CDKAL1: variants seen among roughly 807,000 people sequenced by gnomAD.
The protein encoded by CDKAL1 is CDKAL1 threonylcarbamoyladenosine tRNA methylthiotransferase, also known as threonylcarbamoyladenosine tRNA methylthiotransferase.
In CDKAL1, 32 loss-of-function variants were observed where a neutral mutation model predicts 68.2. That is an observed-to-expected ratio of 0.47 (90% CI 0.35 to 0.63). The LOEUF is 0.63. Ranked by LOEUF, CDKAL1 falls within the 30% of genes least tolerant of loss-of-function variation. The pLI, the probability that CDKAL1 is intolerant of heterozygous loss-of-function variation, is 0.00. For synonymous variants in CDKAL1, 234 were observed against 244.3 expected, an observed-to-expected ratio of 0.96 and a Z score of 0.39; for missense variants, 606 against 696.7, an observed-to-expected ratio of 0.87 and a Z score of 1.47.
At chr6:21,064,215 A>G (rs1042330666) in intron 11 of CDKAL1, among the ~76,000 whole-genome samples, 6 of 152,188 alleles carry the variant, frequency 3.9e-5, no homozygotes, top group East Asian at 1.9e-4. Flanking sequence ...TTTCCCTGGT[A>G]TCTTTCTGAT....
intron 8 of CDKAL1, among the ~76,000 whole-genome samples, chr6:20,843,840 G>T (rs1287013371): frequency 2.0e-5 from 3 of 152,164 alleles, no homozygotes; most frequent in Non-Finnish European, 4.4e-5. Flanking sequence ...GGGATCACAA[G>T]AAATGAGGTA....
At chr6:21,163,387 C>T (rs1291610304) in intron 13 of CDKAL1, among the ~76,000 whole-genome samples, 3 of 152,152 alleles carry the variant, frequency 2.0e-5, no homozygotes, top group Non-Finnish European at 2.9e-5. Flanking sequence ...TAACCCAAAA[C>T]AAACACCCGC....
chr6:21,065,860 A>G (rs554249930), intron 12 of CDKAL1, among the ~76,000 whole-genome samples: 14 of 152,050 alleles, frequency 9.2e-5, no homozygotes, highest in Non-Finnish European at 1.9e-4. Context: ...TACTTTCTAG[A>G]TTCATTGGCT....
intron 13 of CDKAL1, among the ~76,000 whole-genome samples, chr6:21,109,954 G>A (rs1430396185): frequency 6.6e-6 from 1 of 152,172 alleles, no homozygotes; most frequent in African/African-American, 2.4e-5. Context: ...ATGGAACCTA[G>A]CCATTTGCAG....
chr6:21,062,975 C>T (rs970043556), intron 11 of CDKAL1, among the ~76,000 whole-genome samples: 17 of 152,124 alleles, frequency 1.1e-4, no homozygotes, highest in Admixed American at 3.3e-4. Flanking sequence ...AGTGCAGTGG[C>T]GCGATGTCGG....
chr6:20,620,080 T>G (rs2069015), intron 4 of CDKAL1, among the ~76,000 whole-genome samples: 42,758 of 152,122 alleles, frequency 0.28, 6,559 homozygotes, highest in East Asian at 0.53. Flanking sequence ...TTTCTTCCCG[T>G]AGATTCTCAG....
At chr6:20,920,821 C>T (rs1762918984) in intron 9 of CDKAL1, among the ~76,000 whole-genome samples, 1 of 152,108 alleles carries the variant, frequency 6.6e-6, no homozygotes, top group Admixed American at 6.6e-5. Context: ...TTGAAACATT[C>T]ACTTACCCTT....
chr6:20,666,226 T>C (rs11970425), intron 5 of CDKAL1, among the ~76,000 whole-genome samples: 28,048 of 151,692 alleles, frequency 0.18, 2,797 homozygotes, highest in African/African-American at 0.23. Flanking sequence ...TTCTTACCAG[T>C]GCTCAGGGAA....
chr6:20,616,225 G>C (rs1357096035), intron 4 of CDKAL1, among the ~76,000 whole-genome samples: 1 of 152,156 alleles, frequency 6.6e-6, no homozygotes, highest in Non-Finnish European at 1.5e-5. Context: ...GATGCCTCCA[G>C]CTTTGTTCAT....
intron 9 of CDKAL1, among the ~76,000 whole-genome samples, chr6:20,927,137 C>T (rs1348515401): frequency 6.6e-6 from 1 of 152,126 alleles, no homozygotes; most frequent in East Asian, 1.9e-4. Flanking sequence ...CATCAGCCAA[C>T]TTTAATTTCG....
chr6:21,144,183 A>C (rs984148750), intron 13 of CDKAL1, among the ~76,000 whole-genome samples: 1 of 152,178 alleles, frequency 6.6e-6, no homozygotes, highest in African/African-American at 2.4e-5. Flanking sequence ...CACCTAGCCA[A>C]ATAACTCTCA....
intron 4 of CDKAL1, among the ~76,000 whole-genome samples, chr6:20,591,185 C>T (rs1277532224): frequency 6.6e-6 from 1 of 152,142 alleles, no homozygotes; most frequent in Non-Finnish European, 1.5e-5. Flanking sequence ...ATATTCTTCG[C>T]CCACTTTTTG....
At chr6:21,050,758 C>T (rs927412617) in intron 11 of CDKAL1, among the ~76,000 whole-genome samples, 4 of 152,202 alleles carry the variant, frequency 2.6e-5, no homozygotes, top group Non-Finnish European at 5.9e-5. Flanking sequence ...GACACATTCT[C>T]AGTCCAGTCC....
chr6:20,778,830 A>G (rs1775291302), intron 7 of CDKAL1, among the ~76,000 whole-genome samples: 1 of 152,006 alleles, frequency 6.6e-6, no homozygotes, highest in East Asian at 1.9e-4. Context: ...ATTTAATTGG[A>G]CGAGGCTCAT....
At chr6:20,899,653 G>A (rs12154184) in intron 9 of CDKAL1, among the ~76,000 whole-genome samples, 16,219 of 151,962 alleles carry the variant, frequency 0.11, 949 homozygotes, top group African/African-American at 0.14. Flanking sequence ...GACCAGCCTG[G>A]CCAACATGGT....
intron 9 of CDKAL1, among the ~76,000 whole-genome samples, chr6:20,923,451 G>A (rs114624727): frequency 0.01 from 1,597 of 152,170 alleles, 29 homozygotes; most frequent in African/African-American, 0.036. Context: ...TTATTATGGT[G>A]ATCTGTGATC....
chr6:21,122,104 C>T lies in CDKAL1; in HGVS notation c.1299+13641C>T, dbSNP rs180903525. 1.0e-3 allele frequency among the ~76,000 whole-genome samples: 156 copies of T among 152,226 alleles called. 1 individual carries two copies. The highest frequency in any genetic ancestry group is 3.4e-3 in the Middle Eastern group (1 of 294). ...CCAAAAACTTTGAATTGAAAGAGTT[C>T]TTCAGAATATTGTTGATATTTTATC... On this transcript the variant is annotated intron_variant, in intron 13 of 15. Transcript: ENST00000274695.
intron 12 of CDKAL1, among the ~76,000 whole-genome samples, chr6:21,074,118 G>A (rs1387915002): frequency 6.6e-6 from 1 of 152,180 alleles, no homozygotes; most frequent in Non-Finnish European, 1.5e-5. Flanking sequence ...TCAAACAACA[G>A]AAATGTATTA....
chr6:20,724,567 A>G (rs754438998), intron 5 of CDKAL1, among the ~76,000 whole-genome samples: 1 of 152,020 alleles, frequency 6.6e-6, no homozygotes, highest in Non-Finnish European at 1.5e-5. Flanking sequence ...AAAAGAAAAA[A>G]AAAGCTGAGA....
Sources: gnomAD v4.1 joint callset for allele counts (sites outside exome capture counted in the v4.1 genomes callset) on GRCh38, gnomAD v4.1.1 for gene constraint, MANE v1.5 for transcripts, NCBI Gene and HGNC (gene_info 2026-07-23, HGNC 2026-07-21) for gene names.